STPG2: variants seen among roughly 807,000 people sequenced by gnomAD.
STPG2 encodes sperm tail PG-rich repeat containing 2.
Under a neutral mutation model 54.2 loss-of-function variants are expected in STPG2, and 56 were observed. The observed-to-expected ratio is 1.03, with a 90% CI of 0.83 to 1.29. STPG2 has a LOEUF of 1.29. STPG2 is among the 50% of genes most tolerant of loss of function. The pLI is 0.00. For missense variants in STPG2, 596 were observed against 544.9 expected (o/e 1.09, Z -0.93); for synonymous variants, 200 against 181.8 (o/e 1.10, Z -0.81).
intron 10 of STPG2, among the ~76,000 whole-genome samples, chr4:97,662,496 C>A (rs1426577556): frequency 6.6e-6 from 1 of 152,144 alleles, no homozygotes; most frequent in African/African-American, 2.4e-5. Context: ...TTCAACCCAG[C>A]AATCTGATTA....
intron 10 of STPG2, among the ~76,000 whole-genome samples, chr4:97,608,476 C>G (rs912161984): frequency 1.3e-5 from 2 of 152,026 alleles, no homozygotes; most frequent in African/African-American, 4.8e-5. Flanking sequence ...ACGTGTCTTT[C>G]TTGCCTACCT....
At chr4:97,473,165 A>G (rs1729982024) in intron 4 of STPG2, among the ~76,000 whole-genome samples, 1 of 152,168 alleles carries the variant, frequency 6.6e-6, no homozygotes, top group African/African-American at 2.4e-5. Context: ...GAACAATATG[A>G]AATCTGGGCA....
intron 9 of STPG2, among the ~76,000 whole-genome samples, chr4:97,790,515 T>A (rs1390199035): frequency 6.6e-6 from 1 of 152,084 alleles, no homozygotes; most frequent in African/African-American, 2.4e-5. Context: ...ACATTCAAAT[T>A]TTTGCCAGGA....
chr4:97,909,672 T>G (rs1051940243), intron 8 of STPG2, among the ~76,000 whole-genome samples: 1 of 152,112 alleles, frequency 6.6e-6, no homozygotes, highest in Non-Finnish European at 1.5e-5. Flanking sequence ...TCAATATAAT[T>G]TACTTGATAA....
chr4:97,800,313 T>A (rs2149089096), intron 9 of STPG2, among the ~76,000 whole-genome samples: 1 of 152,336 alleles, frequency 6.6e-6, no homozygotes, highest in East Asian at 1.9e-4. Flanking sequence ...GCTTTGTGGT[T>A]TTATCTACTT....
chr4:98,019,792 G>A lies in STPG2; in HGVS notation c.613-38474C>T, dbSNP rs1326245688. Among the ~76,000 whole-genome samples, 3 of 120,068 alleles carry A rather than the reference G, an allele frequency of 2.5e-5. 1 individual carries two copies. In the South Asian group the frequency reaches 8.9e-4, roughly 36 times the overall value. The allele number at this position is 120,068 out of a possible 152,430, so 78.8% of individuals were successfully genotyped here. A position where few individuals can be genotyped will look rare whatever the true frequency, so the allele number is the denominator to read the frequency against. The stretch of plus-strand genomic sequence containing the variant: ...CTCTTTGAAGCAATTGTGAATGGGA[G>A]TTCACTCATGATTTGGCTCTCTGTT... On this transcript the variant is annotated intron_variant, in intron 5 of 10. Coordinates refer to ENST00000295268, the MANE Select transcript of STPG2 (RefSeq NM_174952.3).
At chr4:97,614,859 T>C (rs1353660308) in intron 10 of STPG2, among the ~76,000 whole-genome samples, 1 of 152,166 alleles carries the variant, frequency 6.6e-6, no homozygotes, top group Non-Finnish European at 1.5e-5. Context: ...GTCAGACTTG[T>C]GTAAGCTAAA....
At chr4:97,770,694 TA>T (rs1726190485) in intron 9 of STPG2, among the ~76,000 whole-genome samples, 1 of 152,174 alleles carries the variant, frequency 6.6e-6, no homozygotes, top group East Asian at 1.9e-4. Context: ...AATCTGGATG[TA>T]TTTTGAAGAT....
At chr4:97,822,976 G>A (rs1728134355) in intron 9 of STPG2, among the ~76,000 whole-genome samples, 1 of 152,172 alleles carries the variant, frequency 6.6e-6, no homozygotes, top group African/African-American at 2.4e-5. Flanking sequence ...TTCTTTGAAG[G>A]CCAAGAGAGG....
chr4:97,675,698 C>T (rs1045007991), intron 10 of STPG2, among the ~76,000 whole-genome samples: 17 of 151,252 alleles, frequency 1.1e-4, no homozygotes, highest in African/African-American at 2.2e-4. Flanking sequence ...TGTGTGCGCG[C>T]GCGTGCTTTA....
chr4:97,617,583 C>G (rs1343716160), intron 10 of STPG2, among the ~76,000 whole-genome samples: 1 of 152,136 alleles, frequency 6.6e-6, no homozygotes, highest in Admixed American at 6.6e-5. Context: ...AGAGACAACT[C>G]CCAGAACCAA....
chr4:97,861,994 C>T (rs1002289935), intron 8 of STPG2, among the ~76,000 whole-genome samples: 3 of 152,026 alleles, frequency 2.0e-5, no homozygotes, highest in African/African-American at 7.2e-5. Context: ...ACCATCGAGG[C>T]TAGGAAGAAA....
chr4:97,493,531 G>GA (rs1038583334), intron 4 of STPG2, among the ~76,000 whole-genome samples: 37 of 148,810 alleles, frequency 2.5e-4, no homozygotes, highest in South Asian at 1.7e-3. Flanking sequence ...TAAAATTATA[G>GA]AAAAAAAAAG....
At chr4:97,600,847 T>G (rs191696471) in intron 10 of STPG2, among the ~76,000 whole-genome samples, 9 of 152,246 alleles carry the variant, frequency 5.9e-5, no homozygotes, top group African/African-American at 2.2e-4. Flanking sequence ...GGGGCACAGC[T>G]AATCTGAATT....
intron 4 of STPG2, among the ~76,000 whole-genome samples, chr4:97,516,911 T>C (rs1731087532): frequency 6.6e-6 from 1 of 151,776 alleles, no homozygotes; most frequent in Non-Finnish European, 1.5e-5. Context: ...CATTTAATTA[T>C]TATTATTATT....
intron 10 of STPG2, among the ~76,000 whole-genome samples, chr4:97,615,907 C>T (rs920701493): frequency 6.7e-6 from 1 of 149,870 alleles, no homozygotes; most frequent in Non-Finnish European, 1.5e-5. Context: ...TGTGGTGGCA[C>T]ACACCTGTAA....
At chr4:97,521,463 T>A (rs9994315) in intron 4 of STPG2, among the ~76,000 whole-genome samples, 1 of 151,754 alleles carries the variant, frequency 6.6e-6, no homozygotes, top group Non-Finnish European at 1.5e-5. Context: ...AGCGCACCAC[T>A]GTAGATCATT....
intron 10 of STPG2, among the ~76,000 whole-genome samples, chr4:97,590,956 A>G (rs533148563): frequency 1.3e-5 from 2 of 152,216 alleles, no homozygotes; most frequent in Admixed American, 6.5e-5. Context: ...TGATAAGTAC[A>G]AGACATCTCA....
chr4:97,822,321 T>G (rs1427384910), intron 9 of STPG2, among the ~76,000 whole-genome samples: 1 of 152,208 alleles, frequency 6.6e-6, no homozygotes, highest in African/African-American at 2.4e-5. Context: ...CAGCCCAGAA[T>G]TCACTGTCCA....
Sources: allele counts gnomAD v4.1 joint callset (sites outside exome capture counted in the v4.1 genomes callset), GRCh38; gene constraint gnomAD v4.1.1; transcripts MANE v1.5; gene names NCBI Gene and HGNC (gene_info 2026-07-23, HGNC 2026-07-21).